The following ABR variants were observed in gnomAD, a reference collection of about 807,000 sequenced individuals.
The protein encoded by ABR is ABR activator of RhoGEF and GTPase, also known as active breakpoint cluster region-related protein.
In ABR, 35 loss-of-function variants were observed where a neutral mutation model predicts 107.2. That is an observed-to-expected ratio of 0.33 (90% CI 0.25 to 0.43). ABR has a LOEUF of 0.43. Ranked by LOEUF, ABR falls within the 20% of genes least tolerant of loss-of-function variation. ABR has a pLI of 1.00. For synonymous variants in ABR, 498 were observed against 462.0 expected (o/e 1.08, Z -1.00); for missense variants, 815 against 1,115.2 (o/e 0.73, Z 3.83).
At chr17:1,198,693 T>C (rs2042615033) in intron 1 of ABR, among the ~76,000 whole-genome samples, 1 of 150,776 alleles carries the variant, frequency 6.6e-6, no homozygotes, top group African/African-American at 2.5e-5. Flanking sequence ...TGGAGTGTAG[T>C]GATGCCATCT....
chr17:1,129,872 G>C (rs754828803), intron 1 of ABR, among the ~76,000 whole-genome samples: 1 of 152,106 alleles, frequency 6.6e-6, no homozygotes, highest in African/African-American at 2.4e-5. Flanking sequence ...GCTTGAACCC[G>C]GGAGGTGGGG....
chr17:1,103,912 A>C lies in ABR; in HGVS notation c.247-3177T>G, dbSNP rs148927237. On this transcript the variant is annotated intron_variant, in intron 2 of 22. Transcript: ENST00000302538. The stretch of plus-strand genomic sequence containing the variant: ...GCTTTCCTCAGACTCCACAATTCCC[A>C]GTTTAGAGCCATGAGGAAATTCACA... Among the ~76,000 whole-genome samples the C allele has an allele frequency of 3.9e-3, 592 of 152,246 alleles. 6 individuals carry two copies. Among genetic ancestry groups the C allele is most frequent in the African/African-American group, 0.014 (562 of 41,528 alleles).
At chr17:1,093,190 T>C (rs924489965) in intron 3 of ABR, among the ~76,000 whole-genome samples, 1 of 150,634 alleles carries the variant, frequency 6.6e-6, no homozygotes, top group Non-Finnish European at 1.5e-5. Flanking sequence ...TAGACTTGGC[T>C]GGTCACGGTG....
At chr17:1,077,381 T>C (rs1034210305) in intron 6 of ABR, among the ~76,000 whole-genome samples, 1 of 152,152 alleles carries the variant, frequency 6.6e-6, no homozygotes, top group Non-Finnish European at 1.5e-5. Context: ...AGCTTCCTTT[T>C]GGGGAAGGGA....
chr17:1,185,984 C>T (rs1041527286), intron 1 of ABR, among the ~76,000 whole-genome samples: 6 of 152,086 alleles, frequency 3.9e-5, no homozygotes, highest in South Asian at 2.1e-4. Context: ...TACAGGAGCC[C>T]GCCACCACAC....
At chr17:1,223,912 C>A (rs949371824) in intron 1 of ABR, among the ~76,000 whole-genome samples, 2 of 152,108 alleles carry the variant, frequency 1.3e-5, no homozygotes, top group Admixed American at 1.3e-4. Context: ...TCCCTCGACA[C>A]GTGGGGATGA....
At chr17:1,104,127 A>G (rs2038090966) in intron 2 of ABR, among the ~76,000 whole-genome samples, 1 of 152,074 alleles carries the variant, frequency 6.6e-6, no homozygotes, top group Admixed American at 6.6e-5. Flanking sequence ...CACGCTGCCT[A>G]CCTGTCTCCA....
chr17:1,049,899 G>T (rs1246337727), intron 16 of ABR, 151 bp downstream of exon 16: 2 of 1,102,486 alleles, frequency 1.8e-6, no homozygotes, highest in East Asian at 4.9e-5. Context: ...GCCACCTCTA[G>T]CAGGGAGGGG....
upstream of ABR, among the ~76,000 whole-genome samples, chr17:1,188,485 G>A (rs1353884630): frequency 3.3e-5 from 5 of 151,844 alleles, no homozygotes; most frequent in Non-Finnish European, 5.9e-5. Context: ...GGGAGGCGGA[G>A]CTTGCAGTGA....
intron 1 of ABR, among the ~76,000 whole-genome samples, chr17:1,177,098 T>A (rs995309561): frequency 6.6e-6 from 1 of 152,086 alleles, no homozygotes; most frequent in African/African-American, 2.4e-5. Flanking sequence ...TTGTGGAGAT[T>A]TGTCACCCCA....
intron 1 of ABR, among the ~76,000 whole-genome samples, chr17:1,128,474 A>C (rs1056032081): frequency 1.3e-5 from 2 of 152,274 alleles, no homozygotes; most frequent in African/African-American, 4.8e-5. Flanking sequence ...GCTAGTTCAA[A>C]GACACCTTTC....
chr17:1,060,134 G>C (rs1172617848), intron 10 of ABR, among the ~76,000 whole-genome samples: 1 of 152,240 alleles, frequency 6.6e-6, no homozygotes, highest in Non-Finnish European at 1.5e-5. Context: ...GATACTGCCA[G>C]GCGCGGTGGC....
At chr17:1,009,210 GCTGTCCATCCCCACTA>G (rs1466954839) in intron 21 of ABR, among the ~76,000 whole-genome samples, 27 of 53,580 alleles carry the variant, frequency 5.0e-4, no homozygotes, top group African/African-American at 1.6e-3. Context: ...TTCCCCCACT[GCTGTCCATCCCCACTA>G]CTGTCCATTC....
rs1167595378 is a variant in ABR at position 1,070,635 on chromosome 17, T to G, written c.895-545A>C. 6.6e-6 allele frequency among the ~76,000 whole-genome samples: 1 copy of G among 151,196 alleles called. No homozygotes were observed. Among genetic ancestry groups the G allele is most frequent in the Admixed American group, 6.6e-5 (1 of 15,174 alleles). On this transcript the variant is annotated intron_variant, in intron 8 of 22. Transcript: ENST00000302538. This position sits in a 1 kb window ranked among gnomAD's most constrained non-coding sequence, Gnocchi z 4.2. ...CTCCTCCCTGGCTTCTCCAGCCCCC[T>G]GGGGATGAGACCTGGGCCCTCCAGC...
chr17:1,057,649 ATGTG>A (rs757782354), intron 12 of ABR, among the ~76,000 whole-genome samples: 3 of 137,600 alleles, frequency 2.2e-5, no homozygotes, highest in African/African-American at 8.2e-5. Context: ...GCCTCTGTGT[ATGTG>A]TGTATGTGTG....
chr17:1,012,494 G>A (rs1435613226), intron 18 of ABR, 194 bp downstream of exon 18: 8 of 700,748 alleles, frequency 1.1e-5, no homozygotes, highest in South Asian at 6.0e-5. Flanking sequence ...TTAGGTGCTG[G>A]CTCGCGTGCT....
At chr17:1,137,721 A>G (rs1013855286) in intron 1 of ABR, among the ~76,000 whole-genome samples, 1 of 152,190 alleles carries the variant, frequency 6.6e-6, no homozygotes, top group Non-Finnish European at 1.5e-5. Context: ...AAAACGCAGC[A>G]TCTTTGAAGC....
Position 1,007,181 on chromosome 17 carries a change from T to C in ABR, c.2474A>G (p.His825Arg). Residue 825 changes from histidine (H) to arginine (R), a missense_variant, in exon 22 of 23, where the codon CAT becomes CGT. Around this residue, in one of 5 missense-constraint regions of ABR, gnomAD observed 175 missense variants for 284.3 expected, o/e 0.62. Coordinates refer to ENST00000302538, the MANE Select transcript of ABR (RefSeq NM_021962.5). ...HLTSAADIWS[H>R]DVMAQVQVLL... ...CCAGGGTACCTGCGCCATGACGTCA[T>C]GGGACCAGATGTCCGCAGCCGAGGT... 6.2e-7 allele frequency: 1 copy of C among 1,613,738 alleles called. No individual in the cohort carries two copies. Among genetic ancestry groups the C allele is most frequent in the Non-Finnish European group, 8.5e-7 (1 of 1,179,920 alleles).
At chr17:1,086,182 G>A (rs1395328757) in intron 4 of ABR, among the ~76,000 whole-genome samples, 1 of 152,142 alleles carries the variant, frequency 6.6e-6, no homozygotes, top group African/African-American at 2.4e-5. Context: ...TAGAAAATGT[G>A]AAATGATGTA....
Sources: gnomAD v4.1 joint callset for allele counts (sites outside exome capture counted in the v4.1 genomes callset) on GRCh38, gnomAD v4.1.1 for gene constraint, gnomAD v4.1.1 regional missense constraint, Gnocchi (gnomAD v3.1) non-coding constraint, MANE v1.5 for transcripts, NCBI Gene and HGNC (gene_info 2026-07-23, HGNC 2026-07-21) for gene names.